The following KCNG2 variants were observed in gnomAD, a reference collection of about 807,000 sequenced individuals.
The protein encoded by KCNG2 is voltage-gated potassium channel regulatory subunit KCNG2.
KCNG2 carries 7 observed loss-of-function variants against 12.3 expected under a neutral mutation model. The ratio of observed to expected loss-of-function variants is 0.57; its 90% confidence interval spans 0.32 to 1.07. KCNG2 has a LOEUF of 1.07. Among genes scored for constraint, KCNG2 ranks in the 50% least tolerant of loss-of-function variants. The pLI, the probability that KCNG2 is intolerant of heterozygous loss-of-function variation, is 0.04. For missense variants in KCNG2, 703 were observed against 726.0 expected (o/e 0.97, Z 0.36); for synonymous variants, 414 against 351.4 (o/e 1.18, Z -1.99).
intron 1 of KCNG2, among the ~76,000 whole-genome samples, chr18:79,827,687 C>T (rs1231393724): frequency 6.6e-6 from 1 of 152,116 alleles, no homozygotes; most frequent in East Asian, 1.9e-4. Flanking sequence ...TGAATGCAGG[C>T]CCTGGAACCC....
At chr18:79,888,833 C>T (rs987620788) in intron 3 of KCNG2, among the ~76,000 whole-genome samples, 2 of 152,194 alleles carry the variant, frequency 1.3e-5, no homozygotes, top group South Asian at 2.1e-4. Context: ...CACCACCACG[C>T]CCAGCTATTT....
chr18:79,876,015 A>G (rs112129013), intron 3 of KCNG2: 2,429 of 152,500 alleles, frequency 0.016, 53 homozygotes, highest in African/African-American at 0.053. Context: ...GCCCAGTGGC[A>G]GGAGCTCAGA....
chr18:79,869,746 C>G (rs2123086629), intron 3 of KCNG2, among the ~76,000 whole-genome samples: 1 of 152,252 alleles, frequency 6.6e-6, no homozygotes, highest in East Asian at 1.9e-4. Flanking sequence ...ATCTGTGGCC[C>G]CCAAAGTTAT....
At chr18:79,895,669 T>A (rs2123134345) in intron 3 of KCNG2, among the ~76,000 whole-genome samples, 1 of 152,008 alleles carries the variant, frequency 6.6e-6, no homozygotes, top group Middle Eastern at 3.4e-3. Flanking sequence ...TCCATTCACA[T>A]CTAATGTTAC....
Position 79,826,919 on chromosome 18 carries a change from A to G in KCNG2, c.-115+28905A>G, listed in dbSNP as rs966782325. 2.0e-5 allele frequency among the ~76,000 whole-genome samples: 3 copies of G among 152,278 alleles called. No homozygotes were observed. The South Asian group carries it at 6.2e-4, about 31-fold the overall frequency. ...TTTGATAAAATTGATTGAAAAAGAA[A>G]TTACCAACTAAAAATTATAATTATT... On this transcript the variant is annotated intron_variant, in intron 1 of 3. Coordinates refer to ENST00000316249, the MANE Select transcript of KCNG2 (RefSeq NM_012283.2).
At chr18:79,883,699 T>C in intron 3 of KCNG2, among the ~76,000 whole-genome samples, 1 of 152,202 alleles carries the variant, frequency 6.6e-6, no homozygotes, top group Admixed American at 6.5e-5. Flanking sequence ...TGAAGACATG[T>C]CTGTCTGGTA....
rs1980437427 is a variant in KCNG2, at chr18:79,884,332, C to T, written c.625-14708C>T. 6.6e-6 allele frequency among the ~76,000 whole-genome samples: 1 copy of T among 152,186 alleles called. No individual in the cohort carries two copies. The highest frequency in any genetic ancestry group is 2.1e-4 in the South Asian group (1 of 4,832). On this transcript the variant is annotated intron_variant, in intron 3 of 3. Coordinates refer to ENST00000316249, the MANE Select transcript of KCNG2 (RefSeq NM_012283.2). This position sits in a 1 kb window ranked among gnomAD's most constrained non-coding sequence, Gnocchi z 5.5. ...AGGTCCCACCTAATGACACACACTC[C>T]CGTTCTCAGTCCTTCAAGGAGGCCC...
At chr18:79,862,396 T>C (rs1979254686) in intron 2 of KCNG2, among the ~76,000 whole-genome samples, 1 of 152,214 alleles carries the variant, frequency 6.6e-6, no homozygotes, top group African/African-American at 2.4e-5. Context: ...ATATAGATTC[T>C]TAAACGTCTG....
chr18:79,804,538 G>A lies in KCNG2; in HGVS notation c.-115+6524G>A, dbSNP rs1382895879. ...GTGGCCGGTCCTGAGCCAAGGTGCA[G>A]AAACACACCCCAGCCCCAGAGCTGC... On this transcript the variant is annotated intron_variant, in intron 1 of 3. Coordinates refer to ENST00000316249, the MANE Select transcript of KCNG2 (RefSeq NM_012283.2). 2.0e-5 allele frequency among the ~76,000 whole-genome samples: 3 copies of A among 152,250 alleles called. No homozygotes were observed. The East Asian group carries it at 5.8e-4, about 29-fold the overall frequency.
intron 1 of KCNG2, among the ~76,000 whole-genome samples, chr18:79,826,303 G>A (rs1978285895): frequency 6.6e-6 from 1 of 152,274 alleles, no homozygotes. Context: ...TGCAGGGAAA[G>A]CAGGTGTGTG....
Position 79,803,869 on chromosome 18 carries a change from C to T in KCNG2, c.-115+5855C>T, listed in dbSNP as rs1217678031. Reference sequence around the variant, plus strand: ...GGCCCCGGGGCCATGCTGAGGCCTCCGTGTTGGTTTCTCCGGGGTTGGTGC... The same window carrying T: ...GGCCCCGGGGCCATGCTGAGGCCTCTGTGTTGGTTTCTCCGGGGTTGGTGC... On this transcript the variant is annotated intron_variant, in intron 1 of 3. Transcript: ENST00000316249. This position sits in a 1 kb window ranked among gnomAD's most constrained non-coding sequence, Gnocchi z 4.5. Among the ~76,000 whole-genome samples, 1 of 152,194 alleles carries T rather than the reference C, an allele frequency of 6.6e-6. No individual in the cohort carries two copies. Among genetic ancestry groups the T allele is most frequent in the African/African-American group, 2.4e-5 (1 of 41,452 alleles).
chr18:79,855,860 A>C (rs1241202283), intron 1 of KCNG2, among the ~76,000 whole-genome samples: 1 of 151,932 alleles, frequency 6.6e-6, no homozygotes, highest in Non-Finnish European at 1.5e-5. Flanking sequence ...CAAGATGCTT[A>C]TTTTTGCTCT....
intron 1 of KCNG2, among the ~76,000 whole-genome samples, chr18:79,854,530 CTTTTT>C (rs71163836): frequency 1.0e-4 from 14 of 135,836 alleles, no homozygotes; most frequent in African/African-American, 3.9e-4. Context: ...CTTTCATTGG[CTTTTT>C]TTTTTTTTTG....
chr18:79,874,580 C>G (rs1428132176), intron 3 of KCNG2, among the ~76,000 whole-genome samples: 1 of 152,216 alleles, frequency 6.6e-6, no homozygotes, highest in Non-Finnish European at 1.5e-5. Flanking sequence ...GGGGGCCCAC[C>G]CCAGAATTGA....
chr18:79,843,125 T>C (rs1219156843), intron 1 of KCNG2, among the ~76,000 whole-genome samples: 2 of 152,136 alleles, frequency 1.3e-5, no homozygotes, highest in African/African-American at 4.8e-5. Context: ...TTATCACATA[T>C]AAGGGAACTT....
rs1312234004 is a variant in KCNG2 at position 79,897,263 on chromosome 18, CTT to C, written c.625-1773_625-1772del. On this transcript the variant is annotated intron_variant, in intron 3 of 3. Transcript: ENST00000316249. ...TTCCTAAAGCGCTGTTTGGTTTATT[CTT>C]TTTCTCTCTATTCTTCAGCATAATT... Among the ~76,000 whole-genome samples the C allele has an allele frequency of 2.6e-5, 4 of 151,974 alleles. No individual in the cohort carries two copies. The East Asian group carries it at 7.7e-4, about 29-fold the overall frequency.
intron 3 of KCNG2, among the ~76,000 whole-genome samples, chr18:79,869,134 G>A (rs1178490081): frequency 6.6e-6 from 1 of 152,168 alleles, no homozygotes; most frequent in Non-Finnish European, 1.5e-5. Flanking sequence ...CCAGAGTCCA[G>A]CTGGGACAGC....
At chr18:79,828,331 T>G (rs1978287723) in intron 1 of KCNG2, among the ~76,000 whole-genome samples, 1 of 152,252 alleles carries the variant, frequency 6.6e-6, no homozygotes, top group African/African-American at 2.4e-5. Context: ...ATTGCATGTC[T>G]GCCTGTGTCA....
chr18:79,844,697 A>G (rs1568253496), intron 1 of KCNG2, among the ~76,000 whole-genome samples: 1 of 152,248 alleles, frequency 6.6e-6, no homozygotes, highest in Non-Finnish European at 1.5e-5. Context: ...AATGAATACA[A>G]TAAGATGTCA....
Sources: gnomAD v4.1 joint callset for allele counts (sites outside exome capture counted in the v4.1 genomes callset) on GRCh38, gnomAD v4.1.1 for gene constraint, Gnocchi (gnomAD v3.1) non-coding constraint, MANE v1.5 for transcripts, NCBI Gene and HGNC (gene_info 2026-07-23, HGNC 2026-07-21) for gene names.